The following CPEB1 variants were observed in gnomAD, a reference collection of about 807,000 sequenced individuals.
CPEB1 encodes cytoplasmic polyadenylation element-binding protein 1.
In CPEB1, 7 loss-of-function variants were observed where a neutral mutation model predicts 65.8. That is an observed-to-expected ratio of 0.11 (90% CI 0.06 to 0.20). The LOEUF (loss-of-function observed/expected upper bound fraction) is 0.20. CPEB1 is among the 10% of genes least tolerant of loss of function. The pLI, the probability that CPEB1 is intolerant of heterozygous loss-of-function variation, is 1.00. For synonymous variants in CPEB1, 262 were observed against 260.0 expected, an observed-to-expected ratio of 1.01 and a Z score of -0.08; for missense variants, 551 against 712.2, an observed-to-expected ratio of 0.77 and a Z score of 2.58.
chr15:82,628,387 C>G lies in CPEB1; in HGVS notation c.73G>C (p.Asp25His), dbSNP rs10400906. 6 of 702,570 alleles carry G rather than the reference C, an allele frequency of 8.5e-6. No homozygotes were observed. Among genetic ancestry groups the G allele is most frequent in the Admixed American group, 8.0e-5 (4 of 49,976 alleles). 43.5% of individuals were successfully genotyped at this position (702,570 alleles called of 1,614,324 possible). A position where few individuals can be genotyped will look rare whatever the true frequency, so the allele number is the denominator to read the frequency against. The part of the protein sequence containing the change: ...GTGLEHSSLS[D>H]CLLLIPLEEE... ...ACCAGAGGAATTAGCAGAAGACAAT[C>G]TGATAGAGATGAGTGCTCCAAACCA... The change falls in exon 2 of 13, where the codon GAT becomes CAT. Residue 25 changes from aspartate (D) to histidine (H), a missense_variant. Physicochemically the swap from Asp to His is moderately conservative, Grantham distance 81. Transcript: ENST00000684509.
At chr15:82,638,186 T>G (rs1351933311) in intron 1 of CPEB1, among the ~76,000 whole-genome samples, 3 of 152,208 alleles carry the variant, frequency 2.0e-5, no homozygotes, top group Non-Finnish European at 4.4e-5. Context: ...CTATTAATAC[T>G]ACACCAAAAT....
intron 3 of CPEB1, among the ~76,000 whole-genome samples, chr15:82,594,641 G>A (rs2042536089): frequency 6.6e-6 from 1 of 152,170 alleles, no homozygotes; most frequent in Admixed American, 6.6e-5. Flanking sequence ...AGGAACTTGT[G>A]CCTTGCATTC....
chr15:82,577,487 A>G (rs908428754), intron 3 of CPEB1, among the ~76,000 whole-genome samples: 1 of 152,234 alleles, frequency 6.6e-6, no homozygotes, highest in African/African-American at 2.4e-5. Flanking sequence ...AGTGAAGGAC[A>G]GACATAGTAG....
At chr15:82,544,796 G>T in intron 12 of CPEB1, 94 bp from the exon 13 acceptor site, 1 of 921,858 alleles carries the variant, frequency 1.1e-6, no homozygotes. Context: ...TTGGAGAAGG[G>T]TGGGAGACTC....
chr15:82,599,060 C>A (rs2042894977), intron 3 of CPEB1, among the ~76,000 whole-genome samples: 1 of 152,036 alleles, frequency 6.6e-6, no homozygotes. Context: ...ACCAGACGAT[C>A]CATTGGAGAC....
chr15:82,629,450 A>G, intron 1 of CPEB1: 1 of 952,396 alleles, frequency 1.0e-6, no homozygotes, highest in South Asian at 4.9e-5. Flanking sequence ...AAGAACTCCT[A>G]TATATATATA....
intron 12 of CPEB1, among the ~76,000 whole-genome samples, chr15:82,545,213 C>T (rs1267659): frequency 0.4 from 60,533 of 151,944 alleles, 12,106 homozygotes; most frequent in South Asian, 0.48. Context: ...AATTATCTGA[C>T]TATGGAGATT....
At chr15:82,577,913 G>A in intron 3 of CPEB1, among the ~76,000 whole-genome samples, 1 of 152,070 alleles carries the variant, frequency 6.6e-6, no homozygotes, top group Middle Eastern at 3.2e-3. Context: ...GGCCGAGGCA[G>A]GTGGATCACG....
chr15:82,626,431 CCAA>C (rs2045781994), intron 3 of CPEB1, among the ~76,000 whole-genome samples: 1 of 151,402 alleles, frequency 6.6e-6, no homozygotes, highest in Non-Finnish European at 1.5e-5. Flanking sequence ...AGACTCCGTC[CCAA>C]AAAACAAAAA....
intron 3 of CPEB1, among the ~76,000 whole-genome samples, chr15:82,576,286 G>C (rs1405409184): frequency 6.6e-6 from 1 of 152,166 alleles, no homozygotes; most frequent in Admixed American, 6.5e-5. Context: ...GGTTGCCTCT[G>C]GCAGGAAGTA....
intron 3 of CPEB1, among the ~76,000 whole-genome samples, chr15:82,581,718 C>T (rs1251932139): frequency 6.6e-6 from 1 of 152,114 alleles, no homozygotes; most frequent in Non-Finnish European, 1.5e-5. Context: ...TTGCTGTTGC[C>T]TAATTCATGA....
At chr15:82,634,420 G>A (rs1213576617) in intron 1 of CPEB1, among the ~76,000 whole-genome samples, 1 of 152,062 alleles carries the variant, frequency 6.6e-6, no homozygotes, top group East Asian at 1.9e-4. Flanking sequence ...TCTTTACTTG[G>A]GGATACTCAC....
intron 3 of CPEB1, among the ~76,000 whole-genome samples, chr15:82,621,999 A>ACATC (rs1487909767): frequency 1.3e-5 from 2 of 152,218 alleles, no homozygotes; most frequent in African/African-American, 4.8e-5. Flanking sequence ...AGCAGTTAAG[A>ACATC]CATCCCTTAA....
intron 3 of CPEB1, among the ~76,000 whole-genome samples, chr15:82,593,454 C>G (rs1234274101): frequency 3.9e-5 from 6 of 152,240 alleles, no homozygotes; most frequent in Non-Finnish European, 5.9e-5. Flanking sequence ...GTCACATCTT[C>G]AGGCTCCACT....
chr15:82,592,660 T>C (rs184232353), intron 3 of CPEB1, among the ~76,000 whole-genome samples: 88 of 152,006 alleles, frequency 5.8e-4, no homozygotes, highest in African/African-American at 2.1e-3. Context: ...GAAGTACATA[T>C]CATAATTTTA....
intron 3 of CPEB1, among the ~76,000 whole-genome samples, chr15:82,584,059 A>T (rs1217033546): frequency 1.3e-5 from 2 of 151,618 alleles, no homozygotes; most frequent in East Asian, 3.9e-4. Flanking sequence ...GGAGACAGAA[A>T]CCATCCTGGC....
chr15:82,625,964 C>CAA (rs2045733595), intron 3 of CPEB1, among the ~76,000 whole-genome samples: 1 of 150,570 alleles, frequency 6.6e-6, no homozygotes, highest in African/African-American at 2.4e-5. Context: ...ACTAAAAATA[C>CAA]AAAAAATTAG....
intron 6 of CPEB1, among the ~76,000 whole-genome samples, chr15:82,555,640 A>G (rs1334677436): frequency 2.6e-5 from 4 of 152,196 alleles, no homozygotes; most frequent in African/African-American, 4.8e-5. Context: ...GCTGTGGCAC[A>G]TGCATGTGCC....
chr15:82,563,361 T>TC (rs2038571254), intron 4 of CPEB1, among the ~76,000 whole-genome samples: 1 of 145,076 alleles, frequency 6.9e-6, no homozygotes, highest in African/African-American at 2.5e-5. Flanking sequence ...TCTATTCTTT[T>TC]TTTTTTTTTT....
Sources: allele counts gnomAD v4.1 joint callset (sites outside exome capture counted in the v4.1 genomes callset), GRCh38; gene constraint gnomAD v4.1.1; transcripts MANE v1.5; gene names NCBI Gene and HGNC (gene_info 2026-07-23, HGNC 2026-07-21).